The following GPC3 variants were observed in gnomAD, a reference collection of about 807,000 sequenced individuals.
The protein encoded by GPC3 is glypican-3.
Under a neutral mutation model 34.4 loss-of-function variants are expected in GPC3, and 3 were observed. The ratio of observed to expected loss-of-function variants is 0.09; its 90% CI spans 0.04 to 0.23. GPC3 has a LOEUF of 0.23. GPC3 is among the 10% of genes least tolerant of loss of function. The pLI is 1.00. For missense variants in GPC3, 351 were observed against 445.6 expected (o/e 0.79, Z 1.91); for synonymous variants, 177 against 174.0 (o/e 1.02, Z -0.13).
At chrX:133,884,407 T>C (rs1349512482) in intron 2 of GPC3, among the ~76,000 whole-genome samples, 1 of 111,612 alleles carries the variant, frequency 9.0e-6, no homozygotes, top group Non-Finnish European at 1.9e-5. Flanking sequence ...ATATTGGATG[T>C]CTCCTTACCC....
At chrX:133,718,993 T>G (rs1398415981) in intron 3 of GPC3, among the ~76,000 whole-genome samples, 1 of 111,366 alleles carries the variant, frequency 9.0e-6, no homozygotes, top group Non-Finnish European at 1.9e-5. Context: ...AAAAACAATA[T>G]TTGGAGTCTC....
At chrX:133,826,187 A>G (rs1284167220) in intron 2 of GPC3, among the ~76,000 whole-genome samples, 1 of 111,710 alleles carries the variant, frequency 9.0e-6, no homozygotes, top group African/African-American at 3.3e-5. Flanking sequence ...ATCAATAGAA[A>G]CTGTTCCTGA....
At chrX:133,685,106 T>C (rs2070985941) in intron 5 of GPC3, among the ~76,000 whole-genome samples, 1 of 111,377 alleles carries the variant, frequency 9.0e-6, no homozygotes, top group Non-Finnish European at 1.9e-5. Context: ...AAATAAAAAC[T>C]AAAGAAAAGA....
At chrX:133,568,470 G>A (rs183713304) in intron 7 of GPC3, among the ~76,000 whole-genome samples, 4 of 111,968 alleles carry the variant, frequency 3.6e-5, no homozygotes, top group South Asian at 7.5e-4. Context: ...CTATGAGACA[G>A]GTATCATTGT....
intron 2 of GPC3, among the ~76,000 whole-genome samples, chrX:133,885,503 A>G (rs375062091): frequency 1.8e-5 from 2 of 111,790 alleles, no homozygotes; most frequent in Non-Finnish European, 3.8e-5. Context: ...TAGAATCCAA[A>G]TAAGTTTTGT....
intron 2 of GPC3, among the ~76,000 whole-genome samples, chrX:133,951,585 C>T (rs146124077): frequency 0.026 from 2,890 of 111,747 alleles, 39 homozygotes; most frequent in Non-Finnish European, 0.043. Flanking sequence ...CCACTTTCAT[C>T]CAACAGATCA....
chrX:133,840,590 T>TATC (rs760935848), intron 2 of GPC3, among the ~76,000 whole-genome samples: 85 of 109,942 alleles, frequency 7.7e-4, no homozygotes, highest in South Asian at 3.5e-3. Context: ...ATATGTTAAC[T>TATC]ATCATCATCA....
intron 1 of GPC3, among the ~76,000 whole-genome samples, chrX:133,955,853 T>C (rs1379157163): frequency 8.9e-6 from 1 of 112,093 alleles, no homozygotes; most frequent in Non-Finnish European, 1.9e-5. Context: ...AATAATTGGA[T>C]GTTTTATTTT....
chrX:133,546,674 T>C lies in GPC3; in HGVS notation c.1574-10381A>G, dbSNP rs188285252. Among the ~76,000 whole-genome samples, 47 of 112,118 alleles carry C rather than the reference T, an allele frequency of 4.2e-4. No homozygotes were observed. In the East Asian group the frequency reaches 0.012, roughly 28 times the overall value. Reference sequence around the variant, plus strand: ...ATGAAATTAACACCACTGAATTGTATACTTTAAAATGGTTCAAATGTGAAG... The same window carrying C: ...ATGAAATTAACACCACTGAATTGTACACTTTAAAATGGTTCAAATGTGAAG... On this transcript the variant is annotated intron_variant, in intron 7 of 7. Transcript: ENST00000370818.
At chrX:133,784,144 A>C (rs1437667240) in intron 2 of GPC3, among the ~76,000 whole-genome samples, 1 of 111,872 alleles carries the variant, frequency 8.9e-6, no homozygotes, top group Non-Finnish European at 1.9e-5. Context: ...ATTTACAGCA[A>C]GTAAATTTAA....
At chrX:133,956,703 G>A (rs1181564314) in intron 1 of GPC3, among the ~76,000 whole-genome samples, 1 of 111,818 alleles carries the variant, frequency 8.9e-6, no homozygotes, top group Non-Finnish European at 1.9e-5. Context: ...TTCAGGAATG[G>A]TTGAGTTTAT....
chrX:133,771,295 C>T (rs1341128778), intron 2 of GPC3, among the ~76,000 whole-genome samples: 4 of 112,648 alleles, frequency 3.6e-5, no homozygotes, highest in Non-Finnish European at 5.6e-5. Context: ...GGCAATGTGC[C>T]TGGAAAAGGC....
chrX:133,877,129 TG>T (rs896939544), intron 2 of GPC3, among the ~76,000 whole-genome samples: 4 of 111,971 alleles, frequency 3.6e-5, no homozygotes, highest in Non-Finnish European at 7.5e-5. Context: ...ATTTTAGATG[TG>T]AGTCAGAAAA....
At chrX:133,980,716 C>T (rs896308721) in intron 1 of GPC3, among the ~76,000 whole-genome samples, 5 of 112,200 alleles carry the variant, frequency 4.5e-5, no homozygotes, top group African/African-American at 1.6e-4. Context: ...AATAAGATAA[C>T]TCTTAAGACC....
At chrX:133,928,315 C>A (rs754427386) in intron 2 of GPC3, among the ~76,000 whole-genome samples, 34 of 111,783 alleles carry the variant, frequency 3.0e-4, no homozygotes, top group African/African-American at 1.1e-3. Flanking sequence ...TTTATCAATT[C>A]ATCCATTTGG....
intron 3 of GPC3, among the ~76,000 whole-genome samples, chrX:133,716,483 T>A (rs1316749941): frequency 1.8e-5 from 2 of 112,370 alleles, no homozygotes; most frequent in African/African-American, 3.2e-5. Context: ...TACTTTTTTT[T>A]AAGAAGAACC....
At chrX:133,644,837 G>C (rs965045987) in intron 6 of GPC3, among the ~76,000 whole-genome samples, 7 of 110,974 alleles carry the variant, frequency 6.3e-5, no homozygotes, top group Non-Finnish European at 1.1e-4. Context: ...CTGGAGTGCA[G>C]TGGCACGATC....
intron 2 of GPC3, among the ~76,000 whole-genome samples, chrX:133,911,499 G>A (rs760231303): frequency 9.0e-6 from 1 of 111,627 alleles, no homozygotes; most frequent in South Asian, 3.8e-4. Flanking sequence ...AGTCACCAAA[G>A]GCTAATCTGA....
chrX:133,570,885 A>G (rs930108712), intron 7 of GPC3, among the ~76,000 whole-genome samples: 30 of 111,304 alleles, frequency 2.7e-4, no homozygotes, highest in African/African-American at 9.1e-4. Context: ...GAGTGCTCAT[A>G]TAAGCACTCA....
Sources: allele counts gnomAD v4.1 joint callset (sites outside exome capture counted in the v4.1 genomes callset), GRCh38; gene constraint gnomAD v4.1.1; transcripts MANE v1.5; gene names NCBI Gene and HGNC (gene_info 2026-07-23, HGNC 2026-07-21).